TTC7B: variants seen among roughly 807,000 people sequenced by gnomAD.
TTC7B encodes the protein tetratricopeptide repeat protein 7B.
In TTC7B, 28 loss-of-function variants were observed where a neutral mutation model predicts 106.8. The observed-to-expected ratio is 0.26, with a 90% CI of 0.19 to 0.36. The LOEUF is 0.36. TTC7B is among the 10% of genes least tolerant of loss of function. The pLI is 1.00. For synonymous variants in TTC7B, 405 were observed against 430.6 expected (o/e 0.94, Z 0.74); for missense variants, 862 against 1,076.4 (o/e 0.80, Z 2.79).
rs1239518860 is a variant in TTC7B at position 90,527,415 on chromosome 14, CT to C, written c.*13952del. On this transcript the variant is annotated 3_prime_UTR_variant, in exon 20 of 20. Coordinates refer to ENST00000328459, the MANE Select transcript of TTC7B (RefSeq NM_001010854.2). The stretch of plus-strand genomic sequence containing the variant: ...ATTGATGTTTCACTTAACCCCACCC[CT>C]GTTACTGTCCCTCTGGTAGAAGTCC... 2 of 152,210 alleles carry C rather than the reference CT, an allele frequency of 1.3e-5. No homozygotes were observed. The highest frequency in any genetic ancestry group is 2.4e-5 in the African/African-American group (1 of 41,442). The allele number at this position is 152,210 out of a possible 1,614,324, so 9.4% of individuals were successfully genotyped here. A position where few individuals can be genotyped will look rare whatever the true frequency, so the allele number is the denominator to read the frequency against.
In TTC7B at chr14:90,558,826, G is replaced by GT. The variant is rs530990421; in HGVS notation, c.2311-17238dup. 7.6e-3 allele frequency among the ~76,000 whole-genome samples: 1,163 copies of GT among 152,298 alleles called. 12 individuals carry two copies. Among genetic ancestry groups the GT allele is most frequent in the Non-Finnish European group, 7.7e-3 (526 of 68,034 alleles). On this transcript the variant is annotated intron_variant, in intron 19 of 19. Coordinates refer to ENST00000328459, the MANE Select transcript of TTC7B (RefSeq NM_001010854.2). Reference sequence around the variant, plus strand: ...AGAAATGGGGACCTTCACTCCTGGAGTTTTTTACAAACTTTCTCCCCAGGG... The same window carrying GT: ...AGAAATGGGGACCTTCACTCCTGGAGTTTTTTTACAAACTTTCTCCCCAGGG...
At chr14:90,791,934 A>G (rs1429455671) in intron 1 of TTC7B, among the ~76,000 whole-genome samples, 12 of 152,064 alleles carry the variant, frequency 7.9e-5, no homozygotes, top group Non-Finnish European at 1.2e-4. Flanking sequence ...TGGAATCTTA[A>G]CCAGATCTCC....
chr14:90,688,970 T>C (rs8010101), intron 7 of TTC7B, among the ~76,000 whole-genome samples: 5 of 152,232 alleles, frequency 3.3e-5, no homozygotes, highest in South Asian at 2.1e-4. Context: ...GGAAGGCTCA[T>C]GCTAAGTCTA....
intron 8 of TTC7B, among the ~76,000 whole-genome samples, chr14:90,678,195 C>T (rs995710047): frequency 6.6e-6 from 1 of 152,160 alleles, no homozygotes; most frequent in African/African-American, 2.4e-5. Flanking sequence ...CAAACAGACC[C>T]ACAAATAATA....
chr14:90,595,869 C>A (rs1365735886), intron 17 of TTC7B, among the ~76,000 whole-genome samples: 1 of 152,132 alleles, frequency 6.6e-6, no homozygotes, highest in South Asian at 2.1e-4. Flanking sequence ...AGACCGGAAG[C>A]AAATGTTAAC....
intron 7 of TTC7B, among the ~76,000 whole-genome samples, chr14:90,683,834 G>A (rs1345065737): frequency 1.3e-5 from 2 of 152,202 alleles, no homozygotes. Flanking sequence ...GCAGCCAACG[G>A]TGTAGCTGGT....
chr14:90,815,366 G>A (rs1176155458), intron 1 of TTC7B, among the ~76,000 whole-genome samples: 1 of 152,064 alleles, frequency 6.6e-6, no homozygotes, highest in Admixed American at 6.5e-5. Context: ...TCCAGTTAAA[G>A]GGGTCATGAA....
intron 5 of TTC7B, among the ~76,000 whole-genome samples, chr14:90,720,418 T>C (rs1272940684): frequency 6.6e-6 from 1 of 152,174 alleles, no homozygotes; most frequent in East Asian, 1.9e-4. Flanking sequence ...CACCATTTTA[T>C]CCCCAGCACC....
At chr14:90,784,881 C>T (rs1891335045) in intron 2 of TTC7B, among the ~76,000 whole-genome samples, 1 of 152,186 alleles carries the variant, frequency 6.6e-6, no homozygotes, top group Non-Finnish European at 1.5e-5. Flanking sequence ...ACAACATACA[C>T]AGAGACAATT....
At chr14:90,595,984 T>C (rs1892185961) in intron 17 of TTC7B, among the ~76,000 whole-genome samples, 1 of 152,208 alleles carries the variant, frequency 6.6e-6, no homozygotes, top group African/African-American at 2.4e-5. Context: ...AGGAAGATCT[T>C]GTTCTCTAGA....
intron 19 of TTC7B, among the ~76,000 whole-genome samples, chr14:90,571,375 G>A (rs1178182393): frequency 1.3e-5 from 2 of 152,176 alleles, no homozygotes; most frequent in African/African-American, 2.4e-5. Flanking sequence ...CCTCGGCACT[G>A]TGAGTTGGAA....
chr14:90,678,008 G>A (rs1258968394), intron 8 of TTC7B, among the ~76,000 whole-genome samples: 4 of 152,136 alleles, frequency 2.6e-5, no homozygotes, highest in Admixed American at 2.6e-4. Flanking sequence ...GGGGCCTGTT[G>A]CAAATGGTCT....
chr14:90,530,975 A>C lies in TTC7B; in HGVS notation c.*10393T>G, dbSNP rs866311646. On this transcript the variant is annotated 3_prime_UTR_variant, in exon 20 of 20. Coordinates refer to ENST00000328459, the MANE Select transcript of TTC7B (RefSeq NM_001010854.2). ...TATGAAAATAAAAAATTAAAATTCT[A>C]TAGAATTTGAAGAACAAAATGTAAA... The C allele has an allele frequency of 6.6e-6, 1 of 152,220 alleles. No individual in the cohort carries two copies. The highest frequency in any genetic ancestry group is 2.4e-5 in the African/African-American group (1 of 41,458). The allele number at this position is 152,220 out of a possible 1,614,324, so 9.4% of individuals were successfully genotyped here. A position where few individuals can be genotyped will look rare whatever the true frequency, so the allele number is the denominator to read the frequency against.
rs910614842 is a variant in TTC7B, at chr14:90,802,778, C to T, written c.121+13397G>A. Among the ~76,000 whole-genome samples the T allele has an allele frequency of 6.6e-6, 1 of 151,934 alleles. No individual in the cohort carries two copies. Among genetic ancestry groups the T allele is most frequent in the Non-Finnish European group, 1.5e-5 (1 of 67,988 alleles). On this transcript the variant is annotated intron_variant, in intron 1 of 19. Coordinates refer to ENST00000328459, the MANE Select transcript of TTC7B (RefSeq NM_001010854.2). This position sits in a 1 kb window ranked among gnomAD's most constrained non-coding sequence, Gnocchi z 4.7. ...GTGCAGGCGTGGAGAGGCAGAGAGC[C>T]GGGTGTAACAGGGCAGGGACACTGT...
intron 3 of TTC7B, among the ~76,000 whole-genome samples, chr14:90,756,127 C>T (rs1299891895): frequency 2.0e-5 from 3 of 152,138 alleles, no homozygotes; most frequent in Non-Finnish European, 4.4e-5. Flanking sequence ...AGAGGGGACT[C>T]ATCACTGGTG....
intron 7 of TTC7B, among the ~76,000 whole-genome samples, chr14:90,684,137 G>A (rs1001531028): frequency 2.6e-5 from 4 of 152,072 alleles, no homozygotes; most frequent in African/African-American, 9.7e-5. Flanking sequence ...CTACAAAGGA[G>A]TTTAGACAGT....
intron 19 of TTC7B, among the ~76,000 whole-genome samples, chr14:90,573,665 C>T (rs143333451): frequency 3.9e-5 from 6 of 152,214 alleles, no homozygotes; most frequent in African/African-American, 1.4e-4. Context: ...CTCTGGCTCA[C>T]GGTCCCTCTC....
chr14:90,806,361 G>C (rs1435490552), intron 1 of TTC7B, among the ~76,000 whole-genome samples: 1 of 152,220 alleles, frequency 6.6e-6, no homozygotes, highest in African/African-American at 2.4e-5. Flanking sequence ...CGCTGCTTCA[G>C]CTTTGGGCCT....
intron 5 of TTC7B, among the ~76,000 whole-genome samples, chr14:90,725,291 C>A (rs774750425): frequency 6.6e-6 from 1 of 152,174 alleles, no homozygotes; most frequent in Non-Finnish European, 1.5e-5. Flanking sequence ...TGGCGGGCGC[C>A]CTCACCATGA....
Sources: gnomAD v4.1 joint callset for allele counts (sites outside exome capture counted in the v4.1 genomes callset) on GRCh38, gnomAD v4.1.1 for gene constraint, Gnocchi (gnomAD v3.1) non-coding constraint, MANE v1.5 for transcripts, NCBI Gene and HGNC (gene_info 2026-07-23, HGNC 2026-07-21) for gene names.